Variants in HK2 observed in about 807,000 individuals in gnomAD.
HK2 encodes hexokinase 2.
In HK2, 42 loss-of-function variants were observed where a neutral mutation model predicts 92.9. The observed-to-expected ratio is 0.45, with a 90% CI of 0.35 to 0.58. The LOEUF is 0.58. Among genes scored for constraint, HK2 ranks in the 20% least tolerant of loss-of-function variants. The pLI is 0.00. For synonymous variants in HK2, 422 were observed against 468.0 expected, an observed-to-expected ratio of 0.90 and a Z score of 1.27; for missense variants, 978 against 1,245.1, an observed-to-expected ratio of 0.79 and a Z score of 3.23.
chr2:74,888,098 C>CT (rs1689584791), intron 16 of HK2, 40 bp downstream of exon 16: 1 of 1,606,516 alleles, frequency 6.2e-7, no homozygotes, highest in African/African-American at 1.3e-5. Flanking sequence ...GGGCCATGTC[C>CT]TTTTTTCTCA....
chr2:74,860,293 A>G (rs144735474), intron 2 of HK2, among the ~76,000 whole-genome samples: 3 of 152,278 alleles, frequency 2.0e-5, no homozygotes, highest in Non-Finnish European at 4.4e-5. Flanking sequence ...ATTGTGCAGT[A>G]TATCCATGTA....
chr2:74,877,885 G>A (rs753623137), intron 8 of HK2, among the ~76,000 whole-genome samples: 4 of 152,192 alleles, frequency 2.6e-5, no homozygotes, highest in East Asian at 3.9e-4. Flanking sequence ...GGCGGGCCTC[G>A]TTTACTGTTC....
At chr2:74,848,165 T>C (rs1478327510) in intron 1 of HK2, among the ~76,000 whole-genome samples, 3 of 152,164 alleles carry the variant, frequency 2.0e-5, no homozygotes, top group Non-Finnish European at 4.4e-5. Flanking sequence ...TGATTGCCAG[T>C]CTCTCAGGCC....
intron 2 of HK2, among the ~76,000 whole-genome samples, chr2:74,860,564 A>G (rs941610535): frequency 1.3e-5 from 2 of 152,192 alleles, no homozygotes; most frequent in African/African-American, 2.4e-5. Context: ...TGTGGGATTT[A>G]TCTGTGTTGT....
chr2:74,881,618 C>T, intron 10 of HK2, 93 bp from the exon 11 acceptor site: 5 of 1,282,746 alleles, frequency 3.9e-6, no homozygotes, highest in South Asian at 3.6e-5. Flanking sequence ...TTTGATGGAA[C>T]AGGAATGGTG....
intron 1 of HK2, among the ~76,000 whole-genome samples, chr2:74,837,631 C>G (rs990331043): frequency 3.3e-5 from 5 of 151,762 alleles, no homozygotes; most frequent in African/African-American, 1.2e-4. Context: ...TCCTTTCATT[C>G]CTCTGTCCTG....
intron 8 of HK2, among the ~76,000 whole-genome samples, chr2:74,877,543 A>G (rs28363019): frequency 0.011 from 1,747 of 152,248 alleles, 26 homozygotes; most frequent in Non-Finnish European, 0.013. Context: ...TGGTACTGGG[A>G]ACGGTGGTTG....
intron 2 of HK2, among the ~76,000 whole-genome samples, chr2:74,866,073 C>T (rs1013230832): frequency 6.6e-6 from 1 of 152,022 alleles, no homozygotes; most frequent in Admixed American, 6.5e-5. Context: ...TGTGTCACAT[C>T]GCCTGACACA....
At position 74,885,527 on chromosome 2, in the gene HK2, G is replaced by A. The variant is rs752629120; in HGVS notation, c.1873G>A (p.Ala625Thr). 1 of 1,613,956 alleles carries A rather than the reference G, an allele frequency of 6.2e-7. No individual in the cohort carries two copies. Among genetic ancestry groups the A allele is most frequent in the Non-Finnish European group, 8.5e-7 (1 of 1,179,908 alleles). Residue 625 changes from alanine (A) to threonine (T), a missense_variant, in exon 13 of 18, where the codon GCA (alanine) becomes ACA (threonine). By Grantham distance (58) the Ala-to-Thr change is moderately conservative (BLOSUM62 0). This residue lies in a region of HK2 where 742 missense variants were observed against 922.5 expected (regional missense o/e 0.80). Transcript: ENST00000290573. ...CCTCAAGTGGACAAAAGGCTTCAAG[G>A]CATCTGGCTGCGAGGGCGAGGACGT... ...ILLKWTKGFK[A>T]SGCEGEDVVT... is the part of the protein sequence containing the mutation.
intron 1 of HK2, among the ~76,000 whole-genome samples, chr2:74,850,859 T>A (rs1351182763): frequency 6.6e-6 from 1 of 152,212 alleles, no homozygotes; most frequent in East Asian, 1.9e-4. Flanking sequence ...TAATTATCCC[T>A]TCCTGAGTGG....
At chr2:74,870,554 C>CTTTTTT (rs60629948) in intron 3 of HK2, among the ~76,000 whole-genome samples, 1 of 123,206 alleles carries the variant, frequency 8.1e-6, no homozygotes, top group South Asian at 2.6e-4. Context: ...CTGCATCTCC[C>CTTTTTT]TTTTTTTTTT....
At chr2:74,880,226 C>G (rs1689347176) in intron 9 of HK2, 39 bp from the exon 10 acceptor site, 1 of 1,610,122 alleles carries the variant, frequency 6.2e-7, no homozygotes, top group East Asian at 2.2e-5. Context: ...TGACCCTAAC[C>G]ATGGACACCT....
At chr2:74,845,134 A>T (rs1313822761) in intron 1 of HK2, among the ~76,000 whole-genome samples, 1 of 152,198 alleles carries the variant, frequency 6.6e-6, no homozygotes, top group East Asian at 1.9e-4. Context: ...TATGTGATTT[A>T]AGTGATTGTA....
intron 3 of HK2, among the ~76,000 whole-genome samples, chr2:74,869,044 T>C (rs1171311392): frequency 1.3e-5 from 2 of 151,870 alleles, no homozygotes; most frequent in Admixed American, 1.3e-4. Flanking sequence ...TTAAAATTGC[T>C]CAGACCACCT....
intron 1 of HK2, among the ~76,000 whole-genome samples, chr2:74,837,062 T>G (rs1268307779): frequency 6.6e-6 from 1 of 152,208 alleles, no homozygotes; most frequent in Non-Finnish European, 1.5e-5. Flanking sequence ...CAGGAGCGAC[T>G]GCAGAGCACC....
At chr2:74,874,513 C>T (rs754318471) in intron 7 of HK2, 64 bp downstream of exon 7, 270 of 1,483,330 alleles carry the variant, frequency 1.8e-4, no homozygotes, top group Middle Eastern at 1.0e-3. Context: ...TGGGGCTGGT[C>T]GGGGCCAGGG....
rs1160433083 is a variant in HK2, at chr2:74,886,731, A to C, written c.2219+58A>C. 3.9e-6 allele frequency: 6 copies of C among 1,556,946 alleles called. No homozygotes were observed. The Admixed American group carries it at 6.7e-5, about 17-fold the overall frequency. ...TCCCAGGACTGGATGGCAACAAGTG[A>C]TCAGAGCTTCCACAATGGCATCTCC... is the stretch of plus-strand genomic sequence containing the variant. On this transcript the variant is annotated intron_variant, in intron 15 of 17. Transcript: ENST00000290573.
chr2:74,836,723 A>G (rs921298720), intron 1 of HK2, among the ~76,000 whole-genome samples: 3 of 152,196 alleles, frequency 2.0e-5, no homozygotes, highest in Non-Finnish European at 4.4e-5. Flanking sequence ...AAGCTGTTTG[A>G]TTCCAGTGGC....
At chr2:74,835,378 T>C (rs1428346381) in intron 1 of HK2, 1 of 152,636 alleles carries the variant, frequency 6.6e-6, no homozygotes, top group Non-Finnish European at 1.5e-5. Flanking sequence ...TGGTTTGCCC[T>C]AAAAGTTACT....
Sources: allele counts gnomAD v4.1 joint callset (sites outside exome capture counted in the v4.1 genomes callset), GRCh38; gene constraint gnomAD v4.1.1; regional missense constraint gnomAD v4.1.1; transcripts MANE v1.5; gene names NCBI Gene and HGNC (gene_info 2026-07-23, HGNC 2026-07-21).